Variants in TSC22D2 observed in about 807,000 individuals in gnomAD.
TSC22D2 encodes TSC22 domain family protein 2.
A neutral mutation model predicts 50.1 loss-of-function variants in TSC22D2; 5 were observed. That is an observed-to-expected ratio of 0.10 (90% confidence interval 0.05 to 0.21). The LOEUF is 0.21. TSC22D2 is among the 10% of genes least tolerant of loss of function. The pLI is 1.00. For synonymous variants in TSC22D2, 501 were observed against 450.1 expected (o/e 1.11, Z -1.43); for missense variants, 1,003 against 1,015.5 (o/e 0.99, Z 0.17).
chr3:150,453,851 C>T (rs2108103573), intron 1 of TSC22D2, among the ~76,000 whole-genome samples: 1 of 152,310 alleles, frequency 6.6e-6, no homozygotes, highest in South Asian at 2.1e-4. Context: ...TGGAACCTTT[C>T]TCAAAGAGCT....
chr3:150,432,227 A>G (rs1377709687), intron 1 of TSC22D2, among the ~76,000 whole-genome samples: 1 of 152,106 alleles, frequency 6.6e-6, no homozygotes, highest in African/African-American at 2.4e-5. Context: ...CCACCATTAT[A>G]TATGCTTTCC....
intron 1 of TSC22D2, among the ~76,000 whole-genome samples, chr3:150,416,467 G>C (rs1311953854): frequency 6.6e-6 from 1 of 152,106 alleles, no homozygotes; most frequent in Admixed American, 6.5e-5. Context: ...TTATTTAAGT[G>C]TATGGTTTTT....
chr3:150,436,723 A>G (rs1720558371), intron 1 of TSC22D2, among the ~76,000 whole-genome samples: 1 of 152,242 alleles, frequency 6.6e-6, no homozygotes, highest in South Asian at 2.1e-4. Flanking sequence ...GACAAAATAA[A>G]GTTGTATGAT....
chr3:150,431,291 C>T (rs1212634659), intron 1 of TSC22D2, among the ~76,000 whole-genome samples: 1 of 141,126 alleles, frequency 7.1e-6, no homozygotes, highest in Non-Finnish European at 1.5e-5. Flanking sequence ...ACTTCAGATA[C>T]TTCAGCTTAT....
chr3:150,431,003 C>T (rs1017273520), intron 1 of TSC22D2, among the ~76,000 whole-genome samples: 2 of 151,872 alleles, frequency 1.3e-5, no homozygotes, highest in African/African-American at 4.8e-5. Context: ...GTCATATTTG[C>T]TTTATCATCC....
chr3:150,444,505 G>A (rs573865477), intron 1 of TSC22D2, among the ~76,000 whole-genome samples: 29 of 152,286 alleles, frequency 1.9e-4, no homozygotes, highest in Admixed American at 6.5e-4. Flanking sequence ...GAGAAGTGGA[G>A]CCTGTTGGCA....
chr3:150,427,546 T>A (rs912232734), intron 1 of TSC22D2, among the ~76,000 whole-genome samples: 1 of 152,158 alleles, frequency 6.6e-6, no homozygotes, highest in African/African-American at 2.4e-5. Flanking sequence ...TTAAATGTTC[T>A]CTCCTAGTGA....
At position 150,462,835 on chromosome 3, in the gene TSC22D2, T is replaced by C. The variant is rs1721456706; in HGVS notation, c.*4199T>C. 6.6e-6 allele frequency: 1 copy of C among 152,400 alleles called. No homozygotes were observed. 9.4% of individuals were successfully genotyped at this position (152,400 alleles called of 1,614,324 possible). On this transcript the variant is annotated 3_prime_UTR_variant, in exon 3 of 3. Coordinates refer to ENST00000688009, the MANE Select transcript of TSC22D2 (RefSeq NM_001303264.2). ...TTTTAGTAGAGACAGGGTTTCACCATGTTGGCCAGGTTGGTCTTGAACTCC... is the reference window on the plus strand; with the variant it reads ...TTTTAGTAGAGACAGGGTTTCACCACGTTGGCCAGGTTGGTCTTGAACTCC...
chr3:150,458,692 A>G lies in TSC22D2; in HGVS notation c.*56A>G. On this transcript the variant is annotated 3_prime_UTR_variant, in exon 3 of 3. Coordinates refer to ENST00000688009, the MANE Select transcript of TSC22D2 (RefSeq NM_001303264.2). Reference sequence around the variant, plus strand: ...TGAAAGCAATCTATCCTTGTGTGCCACTGGTGTTCTTTCCACTTTATACGA... The same window carrying G: ...TGAAAGCAATCTATCCTTGTGTGCCGCTGGTGTTCTTTCCACTTTATACGA... 1.9e-6 allele frequency: 3 copies of G among 1,592,612 alleles called. No individual in the cohort carries two copies. The highest frequency in any genetic ancestry group is 2.6e-6 in the Non-Finnish European group (3 of 1,169,544).
intron 1 of TSC22D2, among the ~76,000 whole-genome samples, chr3:150,418,808 T>A (rs1371080803): frequency 6.6e-6 from 1 of 152,070 alleles, no homozygotes; most frequent in African/African-American, 2.4e-5. Flanking sequence ...TAAAATAATA[T>A]ATATCTTGAA....
Position 150,459,572 on chromosome 3 carries a change from G to GTTTTTT in TSC22D2, c.*944_*949dup, listed in dbSNP as rs11330414. The GTTTTTT allele has an allele frequency of 2.6e-5, 3 of 115,558 alleles. No individual in the cohort carries two copies. The highest frequency in any genetic ancestry group is 3.3e-5 in the African/African-American group (1 of 30,664). 7.2% of individuals were successfully genotyped at this position (115,558 alleles called of 1,614,324 possible). On this transcript the variant is annotated 3_prime_UTR_variant, in exon 3 of 3. Coordinates refer to ENST00000688009, the MANE Select transcript of TSC22D2 (RefSeq NM_001303264.2). ...TAATGGAGTTTGGTTTTTTTTTGTT[G>GTTTTTT]TTTTTTTTTTTTTGTCTTTTTTTTT...
At position 150,409,532 on chromosome 3, in the gene TSC22D2, A is replaced by T; in HGVS notation, c.182A>T (p.Glu61Val). The change falls in exon 1 of 3, where the codon GAG becomes GTG. Residue 61 changes from glutamate to valine, a missense_variant. Coordinates refer to ENST00000688009, the MANE Select transcript of TSC22D2 (RefSeq NM_001303264.2). This position sits in a 1 kb window ranked among gnomAD's most constrained non-coding sequence, Gnocchi z 7.4. ...CGGGCCACGGATTATGGCCCTGAGG[A>T]GGTCTGCGAGCGCAGCTCTTCCGAA... ...VSRATDYGPE[E>V]VCERSSSEET... 6.2e-7 allele frequency: 1 copy of T among 1,606,732 alleles called. No individual in the cohort carries two copies. The highest frequency in any genetic ancestry group is 8.5e-7 in the Non-Finnish European group (1 of 1,174,504).
chr3:150,412,774 T>C (rs1719640312), intron 1 of TSC22D2, among the ~76,000 whole-genome samples: 1 of 152,212 alleles, frequency 6.6e-6, no homozygotes, highest in East Asian at 1.9e-4. Flanking sequence ...TCTACTTTTA[T>C]AGTTGCTCCC....
chr3:150,421,645 A>G (rs1170467207), intron 1 of TSC22D2, among the ~76,000 whole-genome samples: 7 of 152,172 alleles, frequency 4.6e-5, no homozygotes, highest in South Asian at 4.1e-4. Context: ...TAATTAATCA[A>G]ACAGTTACTT....
At chr3:150,412,491 T>C (rs1248142319) in intron 1 of TSC22D2, among the ~76,000 whole-genome samples, 2 of 152,224 alleles carry the variant, frequency 1.3e-5, no homozygotes, top group Non-Finnish European at 2.9e-5. Flanking sequence ...TTTCTTAACC[T>C]CCCATTTCTA....
In TSC22D2 at chr3:150,428,607, A is replaced by C. The variant is rs565322357; in HGVS notation, c.1958+17299A>C. On this transcript the variant is annotated intron_variant, in intron 1 of 2. Transcript: ENST00000688009. ...GACTGGGTATAGTAAAAAAAAAAAA[A>C]AACATACTTAGATATGTGTGTTAAT... is the stretch of plus-strand genomic sequence containing the variant. 4.2e-4 allele frequency among the ~76,000 whole-genome samples: 62 copies of C among 147,256 alleles called. No homozygotes were observed. In the South Asian group the frequency reaches 0.012, roughly 28 times the overall value.
chr3:150,437,274 A>G (rs1560087365), intron 1 of TSC22D2, among the ~76,000 whole-genome samples: 1 of 152,072 alleles, frequency 6.6e-6, no homozygotes, highest in Non-Finnish European at 1.5e-5. Flanking sequence ...TCCTACCTCC[A>G]GTTTTCTTCC....
In TSC22D2 at chr3:150,410,376, G is replaced by C. The variant is rs769272499; in HGVS notation, c.1026G>C (p.Pro342=). 3.1e-6 allele frequency: 5 copies of C among 1,603,238 alleles called. No homozygotes were observed. ...AQPAMSLPPQ[P]GPAVGAPAAQ... Reference sequence around the variant, plus strand: ...CGGCTATGTCCCTGCCTCCGCAGCCGGGCCCTGCAGTGGGCGCCCCCGCGG... The same window carrying C: ...CGGCTATGTCCCTGCCTCCGCAGCCCGGCCCTGCAGTGGGCGCCCCCGCGG... Residue 342 remains proline, a synonymous_variant, in exon 1 of 3, where the codon CCG becomes CCC. Transcript: ENST00000688009.
chr3:150,457,792 C>T (rs1227534815), intron 2 of TSC22D2, among the ~76,000 whole-genome samples: 1 of 152,018 alleles, frequency 6.6e-6, no homozygotes, highest in Non-Finnish European at 1.5e-5. Context: ...CACACCACCA[C>T]ATCTGGCTAA....
Sources: allele counts gnomAD v4.1 joint callset (sites outside exome capture counted in the v4.1 genomes callset), GRCh38; gene constraint gnomAD v4.1.1; non-coding constraint Gnocchi (gnomAD v3.1); transcripts MANE v1.5; gene names NCBI Gene and HGNC (gene_info 2026-07-23, HGNC 2026-07-21).